Variants in MSH4 observed in about 807,000 individuals in gnomAD.
The protein encoded by MSH4 is mutS homolog 4.
Under a neutral mutation model 113.7 loss-of-function variants are expected in MSH4, and 106 were observed. That is an observed-to-expected ratio of 0.93 (90% confidence interval 0.80 to 1.10). The LOEUF (loss-of-function observed/expected upper bound fraction) is 1.10, where lower values mean the gene tolerates loss of function less well. Among genes scored for constraint, MSH4 ranks in the 50% least tolerant of loss-of-function variants. MSH4 has a pLI of 0.00. For synonymous variants in MSH4, 368 were observed against 380.2 expected (o/e 0.97, Z 0.37); for missense variants, 1,061 against 1,093.7 (o/e 0.97, Z 0.42).
At chr1:75,834,554 G>A (rs1650785895) in intron 7 of MSH4, among the ~76,000 whole-genome samples, 1 of 152,202 alleles carries the variant, frequency 6.6e-6, no homozygotes, top group African/African-American at 2.4e-5. Context: ...TGATAGACTG[G>A]ATTAAGAAAA....
At chr1:75,802,013 C>CA (rs1296919317) in intron 1 of MSH4, among the ~76,000 whole-genome samples, 1 of 150,976 alleles carries the variant, frequency 6.6e-6, no homozygotes, top group African/African-American at 2.4e-5. Context: ...TACAAAAATA[C>CA]AAAAAATTAG....
chr1:75,865,726 G>A (rs971919316), intron 8 of MSH4, among the ~76,000 whole-genome samples: 2 of 152,176 alleles, frequency 1.3e-5, no homozygotes, highest in African/African-American at 2.4e-5. Context: ...ATTAATGGAT[G>A]CCAAATCATC....
intron 1 of MSH4, among the ~76,000 whole-genome samples, chr1:75,800,041 A>G (rs2100498909): frequency 6.6e-6 from 1 of 152,338 alleles, no homozygotes; most frequent in South Asian, 2.1e-4. Context: ...ATAGCAAAAT[A>G]GAGGTCAAGG....
chr1:75,798,038 A>G (rs1292184394), intron 1 of MSH4, among the ~76,000 whole-genome samples: 1 of 152,172 alleles, frequency 6.6e-6, no homozygotes, highest in Non-Finnish European at 1.5e-5. Context: ...TTCACACACG[A>G]TTGCAACACA....
intron 18 of MSH4, among the ~76,000 whole-genome samples, 171 bp from the exon 19 acceptor site, chr1:75,899,447 G>A (rs1570998093): frequency 6.6e-6 from 1 of 152,108 alleles, no homozygotes; most frequent in African/African-American, 2.4e-5. Flanking sequence ...TAATTGGCAA[G>A]TTGTCATCCA....
intron 3 of MSH4, among the ~76,000 whole-genome samples, chr1:75,810,400 G>A (rs1650164969): frequency 6.8e-6 from 1 of 145,994 alleles, no homozygotes; most frequent in African/African-American, 2.5e-5. Flanking sequence ...ACCATGCTCG[G>A]GTAATTTTTG....
intron 17 of MSH4, among the ~76,000 whole-genome samples, chr1:75,897,404 G>A (rs1652409159): frequency 6.6e-6 from 1 of 151,970 alleles, no homozygotes; most frequent in Non-Finnish European, 1.5e-5. Flanking sequence ...ACACAATGAA[G>A]TCTAAAAACT....
rs1651984433 is a variant in MSH4 at position 75,883,686 on chromosome 1, T to A, written c.1972T>A (p.Ser658Thr). The A allele has an allele frequency of 6.2e-7, 1 of 1,613,430 alleles. No individual in the cohort carries two copies. The highest frequency in any genetic ancestry group is 8.5e-7 in the Non-Finnish European group (1 of 1,179,704). The change falls in exon 15 of 20, where the codon TCT becomes ACT. Residue 658 changes from serine to threonine, a missense_variant. By Grantham distance (58) the Ser-to-Thr change is moderately conservative. Transcript: ENST00000263187. ...ATGGCATCCTATTCTTGAAAAAATA[T>A]CTGCGGAAAAACCTATTGCCAACAA... ...QGWHPILEKI[S>T]AEKPIANNTY... is the part of the protein sequence containing the mutation.
At chr1:75,801,415 A>C (rs1649931608) in intron 1 of MSH4, among the ~76,000 whole-genome samples, 1 of 151,776 alleles carries the variant, frequency 6.6e-6, no homozygotes, top group South Asian at 2.1e-4. Flanking sequence ...AAATACAAAA[A>C]AAAAATAGCC....
chr1:75,827,214 C>A lies in MSH4; in HGVS notation c.1162+4633C>A, dbSNP rs963643994. The stretch of plus-strand genomic sequence containing the variant: ...ATTCTTAAAGAAAAGAATTTTTAAC[C>A]CAGAATTTCATCCAGCCAAACTTAA... On this transcript the variant is annotated intron_variant, in intron 7 of 19. Coordinates refer to ENST00000263187, the MANE Select transcript of MSH4 (RefSeq NM_002440.4). Among the ~76,000 whole-genome samples, 10 of 152,164 alleles carry A rather than the reference C, an allele frequency of 6.6e-5. No individual in the cohort carries two copies. The East Asian group carries it at 9.7e-4, about 15-fold the overall frequency.
intron 15 of MSH4, among the ~76,000 whole-genome samples, chr1:75,888,187 T>C (rs1401664407): frequency 6.6e-6 from 1 of 151,604 alleles, no homozygotes; most frequent in Non-Finnish European, 1.5e-5. Context: ...TTCTTTACCC[T>C]TTTTTTGTTT....
At chr1:75,903,943 C>T (rs751192106) in intron 19 of MSH4, among the ~76,000 whole-genome samples, 2 of 152,042 alleles carry the variant, frequency 1.3e-5, no homozygotes, top group African/African-American at 4.8e-5. Context: ...TGTTTTGTTC[C>T]AGAAGTTAGA....
chr1:75,866,627 C>T (rs939976905), intron 8 of MSH4, among the ~76,000 whole-genome samples: 1 of 152,040 alleles, frequency 6.6e-6, no homozygotes, highest in Admixed American at 6.6e-5. Flanking sequence ...TAAATTGATG[C>T]ATATGGTCAC....
intron 8 of MSH4, among the ~76,000 whole-genome samples, chr1:75,864,228 C>T (rs921875985): frequency 1.3e-5 from 2 of 152,052 alleles, no homozygotes; most frequent in African/African-American, 4.8e-5. Flanking sequence ...TATGATATTC[C>T]ACTGTATATT....
chr1:75,839,349 G>A (rs529641211), intron 7 of MSH4, among the ~76,000 whole-genome samples: 9 of 151,956 alleles, frequency 5.9e-5, no homozygotes, highest in African/African-American at 2.2e-4. Flanking sequence ...CAAGTAGCTG[G>A]GATTACAGGC....
chr1:75,821,296 T>C (rs1171762286), intron 6 of MSH4, among the ~76,000 whole-genome samples: 1 of 152,140 alleles, frequency 6.6e-6, no homozygotes, highest in Non-Finnish European at 1.5e-5. Context: ...AACCTGCTCC[T>C]GAATGACTAC....
intron 3 of MSH4, among the ~76,000 whole-genome samples, chr1:75,807,510 G>C (rs1144332): frequency 0.037 from 5,609 of 152,142 alleles, 346 homozygotes; most frequent in African/African-American, 0.13. Flanking sequence ...TTCAAATCTT[G>C]AAAGATCAAA....
chr1:75,906,606 G>T, intron 19 of MSH4, among the ~76,000 whole-genome samples: 1 of 102,080 alleles, frequency 9.8e-6, no homozygotes, highest in African/African-American at 3.9e-5. Flanking sequence ...TGATTTTCAT[G>T]AGGCTTATAA....
At chr1:75,848,499 C>A (rs913883414) in intron 8 of MSH4, among the ~76,000 whole-genome samples, 1 of 152,124 alleles carries the variant, frequency 6.6e-6, no homozygotes, top group Non-Finnish European at 1.5e-5. Context: ...GTGGCTCATG[C>A]CTATAATCCC....
Sources: allele counts gnomAD v4.1 joint callset (sites outside exome capture counted in the v4.1 genomes callset), GRCh38; gene constraint gnomAD v4.1.1; transcripts MANE v1.5; gene names NCBI Gene and HGNC (gene_info 2026-07-23, HGNC 2026-07-21).